Variants in DOCK7 observed in about 807,000 individuals in gnomAD.
DOCK7 encodes the protein dedicator of cytokinesis 7.
Under a neutral mutation model 271.0 loss-of-function variants are expected in DOCK7, and 138 were observed. The ratio of observed to expected loss-of-function variants is 0.51; its 90% CI spans 0.44 to 0.59. The LOEUF is 0.59. Among genes scored for constraint, DOCK7 ranks in the 20% least tolerant of loss-of-function variants. The pLI, the probability that DOCK7 is intolerant of heterozygous loss-of-function variation, is 0.00. For missense variants in DOCK7, 2,066 were observed against 2,592.4 expected (o/e 0.80, Z 4.41); for synonymous variants, 823 against 876.1 (o/e 0.94, Z 1.07).
In DOCK7 at chr1:62,542,601, T is replaced by C. The variant is rs1348843465; in HGVS notation, c.3045+7A>G. Reference sequence around the variant, plus strand: ...AATATTAAAGAACATGCTCAGTTTTTGCTCACCATTAATTCAAAAAAGAAC... The same window carrying C: ...AATATTAAAGAACATGCTCAGTTTTCGCTCACCATTAATTCAAAAAAGAAC... On this transcript the variant is annotated splice_region_variant and intron_variant, in intron 25 of 49. Coordinates refer to ENST00000635253, the MANE Select transcript of DOCK7 (RefSeq NM_001367561.1). The C allele has an allele frequency of 6.2e-7, 1 of 1,606,762 alleles. No homozygotes were observed. Among genetic ancestry groups the C allele is most frequent in the Non-Finnish European group, 8.5e-7 (1 of 1,176,860 alleles).
intron 43 of DOCK7, chr1:62,478,070 G>A (rs1375656839): frequency 7.7e-6 from 3 of 387,798 alleles, no homozygotes; most frequent in Non-Finnish European, 1.3e-5. Context: ...AATATTTTTC[G>A]GAGTTTGTAC....
intron 18 of DOCK7, among the ~76,000 whole-genome samples, chr1:62,563,048 C>T (rs974250882): frequency 6.6e-6 from 1 of 152,032 alleles, no homozygotes; most frequent in Non-Finnish European, 1.5e-5. Context: ...ATAGCAAGCC[C>T]CCAACCAACA....
intron 1 of DOCK7, among the ~76,000 whole-genome samples, chr1:62,673,399 T>A (rs377425012): frequency 6.6e-6 from 1 of 152,172 alleles, no homozygotes; most frequent in Non-Finnish European, 1.5e-5. Context: ...AGCATTTCCA[T>A]ATAAATCTCA....
chr1:62,505,423 C>T (rs1446564518), intron 36 of DOCK7, among the ~76,000 whole-genome samples: 2 of 152,060 alleles, frequency 1.3e-5, no homozygotes, highest in Non-Finnish European at 2.9e-5. Context: ...TAATTTCAGG[C>T]CCTTCTCCAC....
At chr1:62,504,877 C>T in intron 36 of DOCK7, 95 bp from the exon 37 acceptor site, 1 of 1,381,070 alleles carries the variant, frequency 7.2e-7, no homozygotes, top group Non-Finnish European at 9.7e-7. Context: ...GTTAGTATAG[C>T]CCAGAAATTA....
chr1:62,555,699 A>G, intron 21 of DOCK7, 126 bp downstream of exon 21: 1 of 996,482 alleles, frequency 1.0e-6, no homozygotes, highest in Non-Finnish European at 1.4e-6. Flanking sequence ...AATGGTACTT[A>G]GCAGGTGTTC....
At chr1:62,639,517 CTCCACCTCCTGGGT>C (rs1655728726) in intron 7 of DOCK7, among the ~76,000 whole-genome samples, 1 of 139,302 alleles carries the variant, frequency 7.2e-6, no homozygotes, top group Admixed American at 7.9e-5. Flanking sequence ...TCACTGCAAG[CTCCACCTCCTGGGT>C]TCACGCCATT....
In DOCK7 at chr1:62,519,455, T is replaced by C. The variant is rs567402024; in HGVS notation, c.3937-5557A>G. 3.9e-5 allele frequency among the ~76,000 whole-genome samples: 6 copies of C among 152,296 alleles called. No individual in the cohort carries two copies. In the South Asian group the frequency reaches 6.2e-4, roughly 16 times the overall value. On this transcript the variant is annotated intron_variant, in intron 31 of 49. Transcript: ENST00000635253. ...TTGGCCAAAATCAGAAACAAGGATATCTAGAAATTTTCATGACTGAAAATT... is the reference window on the plus strand; with the variant it reads ...TTGGCCAAAATCAGAAACAAGGATACCTAGAAATTTTCATGACTGAAAATT...
At chr1:62,627,097 C>T (rs1003388761) in intron 11 of DOCK7, among the ~76,000 whole-genome samples, 1 of 152,118 alleles carries the variant, frequency 6.6e-6, no homozygotes, top group Non-Finnish European at 1.5e-5. Context: ...CCAAAAACCA[C>T]ATCATTCGAT....
At position 62,504,756 on chromosome 1, in the gene DOCK7, CTCT is replaced by C; in HGVS notation, c.4635_4637del (p.Glu1546del). 6.2e-7 allele frequency: 1 copy of C among 1,613,428 alleles called. No homozygotes were observed. Among genetic ancestry groups the C allele is most frequent in the East Asian group, 2.2e-5 (1 of 44,848 alleles). On this transcript the variant is annotated inframe_deletion, in exon 37 of 50. Coordinates refer to ENST00000635253, the MANE Select transcript of DOCK7 (RefSeq NM_001367561.1). ...GGCATAAATCAGCACACTGCTCTGT[CTCT>C]TCTTCAAATAAGAGTTCAGGAAACT...
At chr1:62,679,986 C>T (rs1292216342) in intron 1 of DOCK7, among the ~76,000 whole-genome samples, 2 of 152,130 alleles carry the variant, frequency 1.3e-5, no homozygotes, top group Non-Finnish European at 2.9e-5. Flanking sequence ...AGATTCAATG[C>T]CATCCCCATC....
chr1:62,583,321 G>A, intron 15 of DOCK7, 67 bp from the exon 16 acceptor site: 1 of 1,393,254 alleles, frequency 7.2e-7, no homozygotes, highest in Admixed American at 1.7e-5. Context: ...AACTATGTAA[G>A]AATTTGTCTG....
chr1:62,521,431 A>T (rs1027239452), intron 31 of DOCK7, among the ~76,000 whole-genome samples: 2 of 152,134 alleles, frequency 1.3e-5, no homozygotes, highest in African/African-American at 4.8e-5. Flanking sequence ...GAAGATAGTA[A>T]ATAATAAACT....
intron 21 of DOCK7, among the ~76,000 whole-genome samples, chr1:62,554,681 G>C (rs916442530): frequency 1.3e-5 from 2 of 151,796 alleles, no homozygotes; most frequent in African/African-American, 4.8e-5. Flanking sequence ...CAATCTTTCA[G>C]GTCAGCATGT....
intron 4 of DOCK7, among the ~76,000 whole-genome samples, chr1:62,649,123 T>C (rs1036439044): frequency 6.6e-6 from 1 of 152,118 alleles, no homozygotes; most frequent in African/African-American, 2.4e-5. Flanking sequence ...AACTCTTAAA[T>C]TAATGCAAGC....
At chr1:62,671,330 A>T (rs1033952187) in intron 1 of DOCK7, among the ~76,000 whole-genome samples, 3 of 152,224 alleles carry the variant, frequency 2.0e-5, no homozygotes, top group African/African-American at 7.2e-5. Context: ...AAAACACAGG[A>T]ATAGAAAAGA....
intron 49 of DOCK7, among the ~76,000 whole-genome samples, chr1:62,456,406 C>G (rs959848967): frequency 6.6e-6 from 1 of 152,100 alleles, no homozygotes; most frequent in African/African-American, 2.4e-5. Context: ...ACTTATCCTT[C>G]GTGCCATTAA....
intron 2 of DOCK7, among the ~76,000 whole-genome samples, chr1:62,660,712 T>C (rs1658560790): frequency 6.6e-6 from 1 of 152,172 alleles, no homozygotes; most frequent in African/African-American, 2.4e-5. Flanking sequence ...TTATTCACAA[T>C]AGCCAAAAGT....
intron 41 of DOCK7, 21 bp from the exon 42 acceptor site, chr1:62,489,086 A>T: frequency 6.5e-7 from 1 of 1,544,956 alleles, no homozygotes; most frequent in Non-Finnish European, 8.7e-7. Flanking sequence ...AAATTTTGTT[A>T]AGATGTTGCT....
Sources: allele counts gnomAD v4.1 joint callset (sites outside exome capture counted in the v4.1 genomes callset), GRCh38; gene constraint gnomAD v4.1.1; transcripts MANE v1.5; gene names NCBI Gene and HGNC (gene_info 2026-07-23, HGNC 2026-07-21).